Variants in ZNF609 observed in about 807,000 individuals in gnomAD.
The protein encoded by ZNF609 is zinc finger protein 609.
In ZNF609, 11 loss-of-function variants were observed where a neutral mutation model predicts 109.5. The observed-to-expected ratio is 0.10, with a 90% CI of 0.06 to 0.17. The LOEUF is 0.17. ZNF609 is among the 10% of genes least tolerant of loss of function. The pLI is 1.00. For synonymous variants in ZNF609, 646 were observed against 662.0 expected (o/e 0.98, Z 0.37); for missense variants, 1,559 against 1,772.4 (o/e 0.88, Z 2.16).
At chr15:64,671,566 C>G (rs1018068512) in intron 4 of ZNF609, among the ~76,000 whole-genome samples, 6 of 152,114 alleles carry the variant, frequency 3.9e-5, no homozygotes, top group Non-Finnish European at 7.4e-5. Flanking sequence ...TTCACAAGGA[C>G]CTTTTCATGT....
intron 2 of ZNF609, among the ~76,000 whole-genome samples, chr15:64,567,460 C>T (rs1020413936): frequency 2.6e-5 from 4 of 151,004 alleles, no homozygotes; most frequent in Admixed American, 6.6e-5. Context: ...TCTAGCCTGG[C>T]GACAGAGCAA....
At chr15:64,620,660 T>A (rs1447751714) in intron 2 of ZNF609, among the ~76,000 whole-genome samples, 2 of 152,176 alleles carry the variant, frequency 1.3e-5, no homozygotes, top group Non-Finnish European at 2.9e-5. Context: ...GGTGTGTGTG[T>A]GAGACAAGCA....
At chr15:64,469,500 CTT>C (rs1309775214) in intron 1 of ZNF609, among the ~76,000 whole-genome samples, 3 of 131,480 alleles carry the variant, frequency 2.3e-5, no homozygotes, top group Non-Finnish European at 3.3e-5. Flanking sequence ...AAGTGAGCAT[CTT>C]TTTTTTTTTT....
At chr15:64,546,703 G>C (rs940111109) in intron 2 of ZNF609, among the ~76,000 whole-genome samples, 1 of 151,256 alleles carries the variant, frequency 6.6e-6, no homozygotes, top group African/African-American at 2.4e-5. Flanking sequence ...TGAGCTCCTA[G>C]ACTCAAGCAA....
intron 3 of ZNF609, among the ~76,000 whole-genome samples, chr15:64,634,231 C>A (rs915995230): frequency 2.6e-5 from 4 of 152,080 alleles, no homozygotes; most frequent in Admixed American, 2.6e-4. Context: ...GAACATTCGG[C>A]CCTACTTCAA....
At chr15:64,621,675 T>C (rs373870822) in intron 2 of ZNF609, among the ~76,000 whole-genome samples, 9 of 152,094 alleles carry the variant, frequency 5.9e-5, no homozygotes, top group African/African-American at 2.2e-4. Flanking sequence ...TTTTATGTTG[T>C]CTCTAGATGG....
chr15:64,685,618 G>C lies in ZNF609; in HGVS notation c.*3932G>C, dbSNP rs1165468873. On this transcript the variant is annotated 3_prime_UTR_variant, in exon 10 of 10. Coordinates refer to ENST00000326648, the MANE Select transcript of ZNF609 (RefSeq NM_015042.2). ...CCTGTTTCCTGGAGGCCCTGGCTTG[G>C]GACACTCACCTGTGAAACTATGCAG... 6.5e-6 allele frequency: 1 copy of C among 152,872 alleles called. No individual in the cohort carries two copies. The highest frequency in any genetic ancestry group is 2.4e-5 in the African/African-American group (1 of 41,400). 9.5% of individuals were successfully genotyped at this position (152,872 alleles called of 1,614,324 possible). A position where few individuals can be genotyped will look rare whatever the true frequency, so the allele number is the denominator to read the frequency against.
intron 2 of ZNF609, among the ~76,000 whole-genome samples, chr15:64,605,735 CTTTTT>C (rs750562675): frequency 7.4e-6 from 1 of 134,250 alleles, no homozygotes. Context: ...CTTTTTCTTT[CTTTTT>C]TTTTTTTTTT....
At chr15:64,509,905 G>C (rs1005768719) in intron 2 of ZNF609, among the ~76,000 whole-genome samples, 1 of 152,230 alleles carries the variant, frequency 6.6e-6, no homozygotes, top group African/African-American at 2.4e-5. Context: ...GAACAGTCAA[G>C]AGAAGAATGA....
intron 2 of ZNF609, among the ~76,000 whole-genome samples, chr15:64,612,984 C>T (rs1895741625): frequency 1.3e-5 from 2 of 151,904 alleles, no homozygotes; most frequent in African/African-American, 4.8e-5. Flanking sequence ...CACTGCACTC[C>T]AGCCTGGGCA....
rs1243442585 is a variant in ZNF609 at position 64,675,917 on chromosome 15, G to A, written c.3063G>A (p.Val1021=). The A allele has an allele frequency of 1.4e-5, 23 of 1,614,202 alleles. No homozygotes were observed. Among genetic ancestry groups the A allele is most frequent in the Non-Finnish European group, 1.9e-5 (23 of 1,180,040 alleles). Residue 1021 remains valine, a synonymous_variant, in exon 5 of 10, where the codon GTG becomes GTA. Coordinates refer to ENST00000326648, the MANE Select transcript of ZNF609 (RefSeq NM_015042.2). ...RQSLEQQQRG[V]DKKAEMGLKE... is the part of the protein sequence containing the mutation. ...GCTTAGAGCAGCAGCAGCGGGGAGT[G>A]GACAAGAAGGCAGAGATGGGCCTGA...
At chr15:64,465,837 C>T (rs529574285) in intron 1 of ZNF609, among the ~76,000 whole-genome samples, 3 of 151,580 alleles carry the variant, frequency 2.0e-5, no homozygotes, top group South Asian at 2.1e-4. Flanking sequence ...GGATATAGGC[C>T]GGGCGCAGTG....
At chr15:64,545,235 T>C (rs1298410267) in intron 2 of ZNF609, among the ~76,000 whole-genome samples, 2 of 152,034 alleles carry the variant, frequency 1.3e-5, no homozygotes, top group African/African-American at 4.8e-5. Flanking sequence ...TCTAGCTCTG[T>C]AACCCAAGCT....
At chr15:64,654,910 C>T (rs1896467845) in intron 3 of ZNF609, among the ~76,000 whole-genome samples, 1 of 151,794 alleles carries the variant, frequency 6.6e-6, no homozygotes, top group Non-Finnish European at 1.5e-5. Context: ...TCCTGGCTAA[C>T]ACGGTGAAAC....
chr15:64,685,962 T>C lies in ZNF609; in HGVS notation c.*4276T>C, dbSNP rs2083238023. ...TCTACCTTCCTCATCCCCACTTTTTTCCCTTTCTCTCTACTTCCTCTTCTT... is the reference window on the plus strand; with the variant it reads ...TCTACCTTCCTCATCCCCACTTTTTCCCCTTTCTCTCTACTTCCTCTTCTT... On this transcript the variant is annotated 3_prime_UTR_variant, in exon 10 of 10. Transcript: ENST00000326648. The C allele has an allele frequency of 6.6e-6, 1 of 152,208 alleles. No homozygotes were observed. The highest frequency in any genetic ancestry group is 6.5e-5 in the Admixed American group (1 of 15,284). The allele number at this position is 152,208 out of a possible 1,614,324, so 9.4% of individuals were successfully genotyped here.
At chr15:64,640,023 G>A (rs1018761834) in intron 3 of ZNF609, among the ~76,000 whole-genome samples, 3 of 151,990 alleles carry the variant, frequency 2.0e-5, no homozygotes, top group African/African-American at 7.2e-5. Flanking sequence ...GGGTTCAAGC[G>A]ATTCTCTTGT....
At chr15:64,666,836 C>G (rs374892044) in intron 3 of ZNF609, among the ~76,000 whole-genome samples, 1 of 149,252 alleles carries the variant, frequency 6.7e-6, no homozygotes, top group East Asian at 2.1e-4. Context: ...TTTTAAAAAT[C>G]TAAGATTTGG....
intron 5 of ZNF609, among the ~76,000 whole-genome samples, chr15:64,676,586 A>ACACC (rs1896813604): frequency 1.3e-5 from 2 of 151,116 alleles, no homozygotes; most frequent in East Asian, 2.0e-4. Flanking sequence ...ACACGCCACC[A>ACACC]TGCCCAGCTA....
rs1356927990 is a variant in ZNF609 at position 64,592,406 on chromosome 15, A to G, written c.748-30421A>G. 7.2e-5 allele frequency among the ~76,000 whole-genome samples: 11 copies of G among 152,044 alleles called. No homozygotes were observed. The East Asian group carries it at 2.1e-3, about 29-fold the overall frequency. ...AGTCTGGCCAACTTGGTGAAACCCC[A>G]TCTCTACTAAAAATATGAAAATTTA... On this transcript the variant is annotated intron_variant, in intron 2 of 9. Transcript: ENST00000326648.
Sources: allele counts gnomAD v4.1 joint callset (sites outside exome capture counted in the v4.1 genomes callset), GRCh38; gene constraint gnomAD v4.1.1; transcripts MANE v1.5; gene names NCBI Gene and HGNC (gene_info 2026-07-23, HGNC 2026-07-21).